Variants in PRKCB observed in about 807,000 individuals in gnomAD.
PRKCB encodes protein kinase C beta type.
A neutral mutation model predicts 81.5 loss-of-function variants in PRKCB; 13 were observed. The observed-to-expected ratio is 0.16, with a 90% confidence interval of 0.10 to 0.25. PRKCB has a LOEUF of 0.25. Among genes scored for constraint, PRKCB ranks in the 10% least tolerant of loss-of-function variants. PRKCB has a pLI of 1.00. For missense variants in PRKCB, 509 were observed against 875.7 expected (o/e 0.58, Z 5.29); for synonymous variants, 335 against 321.4 (o/e 1.04, Z -0.45).
intron 2 of PRKCB, among the ~76,000 whole-genome samples, chr16:23,926,526 G>T (rs939212213): frequency 6.6e-6 from 1 of 150,800 alleles, no homozygotes; most frequent in Non-Finnish European, 1.5e-5. Flanking sequence ...AAAATCAAAG[G>T]TCTTACTCTT....
At chr16:24,035,598 A>G in intron 5 of PRKCB, 51 bp downstream of exon 5, 3 of 790,874 alleles carry the variant, frequency 3.8e-6, no homozygotes, top group East Asian at 6.7e-5. Context: ...GACCTGTGTG[A>G]TTGAGAAGGG....
chr16:24,207,159 G>T (rs1156910913), intron 16 of PRKCB, among the ~76,000 whole-genome samples: 2 of 152,182 alleles, frequency 1.3e-5, no homozygotes, highest in East Asian at 3.9e-4. Flanking sequence ...CACACTCCTA[G>T]CCTCAAGCGA....
chr16:23,877,583 G>C (rs564371407), intron 2 of PRKCB, among the ~76,000 whole-genome samples: 2 of 152,234 alleles, frequency 1.3e-5, no homozygotes, highest in South Asian at 4.1e-4. Flanking sequence ...ATCACCAATG[G>C]CATGCCGCAC....
chr16:23,836,385 C>T, intron 1 of PRKCB, 37 bp downstream of exon 1: 1 of 1,589,534 alleles, frequency 6.3e-7, no homozygotes, highest in Non-Finnish European at 8.5e-7. Context: ...CCCGGGCCCC[C>T]GAGGGCAGCG....
intron 3 of PRKCB, among the ~76,000 whole-genome samples, chr16:23,997,315 A>T (rs112049098): frequency 5.9e-5 from 9 of 152,354 alleles, no homozygotes; most frequent in African/African-American, 2.2e-4. Context: ...TAGTATTACC[A>T]TTACCTGTGA....
At chr16:24,053,184 A>T (rs1283401238) in intron 5 of PRKCB, among the ~76,000 whole-genome samples, 1 of 152,218 alleles carries the variant, frequency 6.6e-6, no homozygotes, top group Non-Finnish European at 1.5e-5. Flanking sequence ...ACTCACTCAA[A>T]AAAAAGTGAT....
intron 9 of PRKCB, among the ~76,000 whole-genome samples, chr16:24,124,353 CAGA>C (rs1966836656): frequency 6.6e-6 from 1 of 152,136 alleles, no homozygotes; most frequent in Non-Finnish European, 1.5e-5. Context: ...ATGTCACTAG[CAGA>C]AGGAGGTATA....
intron 2 of PRKCB, among the ~76,000 whole-genome samples, chr16:23,859,225 C>T (rs893632814): frequency 2.6e-5 from 4 of 152,158 alleles, no homozygotes; most frequent in Admixed American, 1.3e-4. Context: ...GGTCTGACTC[C>T]TAGGCTTGAA....
intron 12 of PRKCB, among the ~76,000 whole-genome samples, chr16:24,178,810 G>A (rs1340916453): frequency 6.6e-6 from 1 of 152,156 alleles, no homozygotes; most frequent in Non-Finnish European, 1.5e-5. Context: ...GAGATGCCAG[G>A]ATATAGTTTT....
chr16:24,185,265 A>G (rs1967685706), intron 14 of PRKCB, 74 bp downstream of exon 14: 1 of 1,421,780 alleles, frequency 7.0e-7, no homozygotes, highest in Non-Finnish European at 9.8e-7. Flanking sequence ...AGGAGAATGC[A>G]TGTTTGGTAA....
At chr16:23,889,827 T>C (rs1472889024) in intron 2 of PRKCB, among the ~76,000 whole-genome samples, 2 of 152,248 alleles carry the variant, frequency 1.3e-5, no homozygotes, top group African/African-American at 4.8e-5. Context: ...AACCCAGTTC[T>C]ATCTCTGTCT....
At chr16:24,207,362 T>C (rs1286968041) in intron 16 of PRKCB, among the ~76,000 whole-genome samples, 1 of 152,186 alleles carries the variant, frequency 6.6e-6, no homozygotes, top group East Asian at 1.9e-4. Context: ...TAACAATACC[T>C]GATTGTTATG....
chr16:24,145,685 A>C (rs188142856), intron 9 of PRKCB, among the ~76,000 whole-genome samples: 1 of 152,234 alleles, frequency 6.6e-6, no homozygotes, highest in Non-Finnish European at 1.5e-5. Context: ...GTTGGGAAGC[A>C]AGATCTTGGG....
intron 5 of PRKCB, among the ~76,000 whole-genome samples, chr16:24,063,993 G>A (rs1427486384): frequency 1.3e-5 from 2 of 152,300 alleles, no homozygotes; most frequent in African/African-American, 4.8e-5. Context: ...GCATTTTGCA[G>A]AGCAGCGTGT....
chr16:23,987,488 G>A (rs1459441045), intron 2 of PRKCB, among the ~76,000 whole-genome samples: 1 of 151,812 alleles, frequency 6.6e-6, no homozygotes, highest in African/African-American at 2.4e-5. Flanking sequence ...ATCTGTATTT[G>A]CATCAAGAGA....
chr16:24,146,593 G>T (rs1051398171), intron 9 of PRKCB, among the ~76,000 whole-genome samples: 1 of 152,124 alleles, frequency 6.6e-6, no homozygotes, highest in Non-Finnish European at 1.5e-5. Flanking sequence ...CACAGTCAGG[G>T]GCCGAGATTC....
chr16:24,005,921 C>T (rs184154782), intron 3 of PRKCB, among the ~76,000 whole-genome samples: 94 of 152,358 alleles, frequency 6.2e-4, no homozygotes, highest in African/African-American at 2.2e-3. Flanking sequence ...AATAATGCTC[C>T]TTCCAGGGAG....
intron 2 of PRKCB, among the ~76,000 whole-genome samples, chr16:23,908,257 T>G (rs1963593598): frequency 6.6e-6 from 1 of 151,702 alleles, no homozygotes; most frequent in South Asian, 2.1e-4. Context: ...TGTTGCTGAG[T>G]TGGGTGGAGG....
chr16:23,865,665 A>G (rs368937239), intron 2 of PRKCB, among the ~76,000 whole-genome samples: 19 of 150,210 alleles, frequency 1.3e-4, no homozygotes, highest in African/African-American at 4.2e-4. Flanking sequence ...AGATTTCCTA[A>G]TGTAAGAAAC....
Sources: allele counts gnomAD v4.1 joint callset (sites outside exome capture counted in the v4.1 genomes callset), GRCh38; gene constraint gnomAD v4.1.1; transcripts MANE v1.5; gene names NCBI Gene and HGNC (gene_info 2026-07-23, HGNC 2026-07-21).